GPC6: variants seen among roughly 807,000 people sequenced by gnomAD.
The protein encoded by GPC6 is glypican 6, also known as glypican-6.
GPC6 carries 14 observed loss-of-function variants against 55.2 expected under a neutral mutation model. The ratio of observed to expected loss-of-function variants is 0.25; its 90% confidence interval spans 0.17 to 0.40. The LOEUF is 0.40. GPC6 is among the 10% of genes least tolerant of loss of function. The probability of loss-of-function intolerance (pLI) is 1.00; values close to 1 mark genes in which losing one functional copy is unlikely to be tolerated. For missense variants in GPC6, 641 were observed against 708.5 expected (o/e 0.90, Z 1.08); for synonymous variants, 278 against 259.6 (o/e 1.07, Z -0.68).
At chr13:93,984,469 T>C (rs1880938038) in intron 3 of GPC6, among the ~76,000 whole-genome samples, 1 of 152,198 alleles carries the variant, frequency 6.6e-6, no homozygotes, top group Admixed American at 6.5e-5. Flanking sequence ...AGAAAATTAA[T>C]TCATTTGGTA....
chr13:94,150,819 T>TATATATATATATATATATATATATATAC lies in GPC6; in HGVS notation c.877+122937_877+122938insATATATATATATATACATATATATATAT, dbSNP rs1308512819. 7.2e-4 allele frequency among the ~76,000 whole-genome samples: 101 copies of TATATATATATATATATATATATATATAC among 141,226 alleles called. 5 individuals are homozygous for TATATATATATATATATATATATATATAC. Among genetic ancestry groups the TATATATATATATATATATATATATATAC allele is most frequent in the Non-Finnish European group, 1.3e-3 (85 of 65,738 alleles). 92.6% of individuals were successfully genotyped at this position (141,226 alleles called of 152,430 possible). A position where few individuals can be genotyped will look rare whatever the true frequency, so the allele number is the denominator to read the frequency against. On this transcript the variant is annotated intron_variant, in intron 4 of 8. Coordinates refer to ENST00000377047, the MANE Select transcript of GPC6 (RefSeq NM_005708.5). ...CAGAAAGAGAGAGATCAGCAGTATA[T>TATATATATATATATATATATATATATAC]ATATATATATATGTTTATTGAATGA... is the stretch of plus-strand genomic sequence containing the variant.
At chr13:94,061,436 A>G (rs1228062972) in intron 4 of GPC6, among the ~76,000 whole-genome samples, 1 of 152,204 alleles carries the variant, frequency 6.6e-6, no homozygotes, top group African/African-American at 2.4e-5. Context: ...AGATGAACAA[A>G]AGTGACAGAC....
chr13:93,818,412 C>T (rs1237054110), intron 2 of GPC6: 1 of 152,114 alleles, frequency 6.6e-6, no homozygotes, highest in East Asian at 1.9e-4. Flanking sequence ...TACAACTCAG[C>T]ATTTCTCAAT....
intron 7 of GPC6, among the ~76,000 whole-genome samples, chr13:94,392,415 ATTTTTT>A (rs59173357): frequency 9.5e-6 from 1 of 105,682 alleles, no homozygotes; most frequent in Non-Finnish European, 1.9e-5. Flanking sequence ...TCTATTTTTA[ATTTTTT>A]TTTTTTTTTT....
At chr13:93,426,566 C>G (rs1215887485) in intron 1 of GPC6, among the ~76,000 whole-genome samples, 2 of 151,966 alleles carry the variant, frequency 1.3e-5, no homozygotes, top group Non-Finnish European at 2.9e-5. Flanking sequence ...AGGACATGAA[C>G]TCATCATTTT....
intron 1 of GPC6, among the ~76,000 whole-genome samples, chr13:93,281,227 T>A (rs868799098): frequency 2.0e-5 from 3 of 152,120 alleles, no homozygotes; most frequent in Non-Finnish European, 2.9e-5. Flanking sequence ...TAAAGTTGCT[T>A]TTTTGTTGTT....
At chr13:93,977,467 G>GGGGT (rs1274439604) in intron 3 of GPC6, among the ~76,000 whole-genome samples, 1 of 137,286 alleles carries the variant, frequency 7.3e-6, no homozygotes, top group African/African-American at 2.7e-5. Context: ...GATGACAAGG[G>GGGGT]GTGTGTGTGT....
intron 6 of GPC6, among the ~76,000 whole-genome samples, chr13:94,329,794 C>T (rs1349459435): frequency 6.6e-6 from 1 of 151,996 alleles, no homozygotes; most frequent in Non-Finnish European, 1.5e-5. Flanking sequence ...TCCTCCTCCT[C>T]TTCTCTTACC....
At position 94,406,008 on chromosome 13, in the gene GPC6, G is replaced by A. The variant is rs376359118; in HGVS notation, c.*2791G>A. 1 of 152,054 alleles carries A rather than the reference G, an allele frequency of 6.6e-6. No individual in the cohort carries two copies. The highest frequency in any genetic ancestry group is 1.5e-5 in the Non-Finnish European group (1 of 67,974). 9.4% of individuals were successfully genotyped at this position (152,054 alleles called of 1,614,324 possible). On this transcript the variant is annotated 3_prime_UTR_variant, in exon 9 of 9. Transcript: ENST00000377047. ...TCATTTCAGCATAGTGATAGGGGATGCAATGAGGCTTCATTATTTTTTATG... is the reference window on the plus strand; with the variant it reads ...TCATTTCAGCATAGTGATAGGGGATACAATGAGGCTTCATTATTTTTTATG...
At chr13:93,487,155 T>C (rs1879751568) in intron 1 of GPC6, among the ~76,000 whole-genome samples, 1 of 152,218 alleles carries the variant, frequency 6.6e-6, no homozygotes, top group Middle Eastern at 3.2e-3. Flanking sequence ...GTCATTTTCA[T>C]AACATCACAG....
rs1880989408 is a variant in GPC6, at chr13:94,398,478, G to T, written c.1302G>T (p.Glu434Asp). The T allele has an allele frequency of 1.2e-6, 2 of 1,613,032 alleles. No individual in the cohort carries two copies. The highest frequency in any genetic ancestry group is 1.7e-6 in the Non-Finnish European group (2 of 1,179,188). The change falls in exon 8 of 9, where the codon GAG (glutamate) becomes GAT (aspartate). Residue 434 changes from glutamate to aspartate, a missense_variant. Transcript: ENST00000377047. ...CTCTGCCTTGCAGATACTTGCCTGA[G>T]ATCATGAATGATGGGCTCACCAACC... is the stretch of plus-strand genomic sequence containing the variant. ...NGHSKARYLP[E>D]IMNDGLTNQI...
intron 4 of GPC6, among the ~76,000 whole-genome samples, chr13:94,158,144 T>C (rs151215044): frequency 4.6e-5 from 7 of 152,278 alleles, no homozygotes; most frequent in African/African-American, 1.7e-4. Flanking sequence ...GTTTGCCTCA[T>C]AGTGTTTGAG....
chr13:93,342,835 T>C (rs116512347), intron 1 of GPC6, among the ~76,000 whole-genome samples: 2,407 of 152,268 alleles, frequency 0.016, 55 homozygotes, highest in African/African-American at 0.052. Context: ...TCCTACTAAA[T>C]TCTGTTTCTG....
intron 4 of GPC6, among the ~76,000 whole-genome samples, chr13:94,085,776 G>A (rs6492687): frequency 0.67 from 87,744 of 130,418 alleles, 25,466 homozygotes; most frequent in South Asian, 0.72. Flanking sequence ...CATCTTTAAC[G>A]TATGTCTGAA....
chr13:93,651,589 T>G (rs1880410338), intron 2 of GPC6, among the ~76,000 whole-genome samples: 1 of 152,108 alleles, frequency 6.6e-6, no homozygotes, highest in Admixed American at 6.5e-5. Flanking sequence ...TTTCAGAACC[T>G]AATTCAGAAT....
At chr13:94,087,357 G>A (rs1159360847) in intron 4 of GPC6, among the ~76,000 whole-genome samples, 1 of 152,144 alleles carries the variant, frequency 6.6e-6, no homozygotes, top group Non-Finnish European at 1.5e-5. Flanking sequence ...TCACCTCTAA[G>A]GTGTAAAATG....
intron 4 of GPC6, among the ~76,000 whole-genome samples, chr13:94,053,155 C>T (rs1884011942): frequency 6.6e-6 from 1 of 152,178 alleles, no homozygotes; most frequent in East Asian, 1.9e-4. Context: ...GGAAATTGTG[C>T]AGAAGCTAAA....
intron 1 of GPC6, among the ~76,000 whole-genome samples, chr13:93,522,400 T>TG (rs1881453284): frequency 6.6e-6 from 1 of 152,006 alleles, no homozygotes; most frequent in South Asian, 2.1e-4. Context: ...TGTGGTTTTT[T>TG]GAATTCACCA....
intron 3 of GPC6, among the ~76,000 whole-genome samples, chr13:93,900,590 TTA>T (rs1876290840): frequency 2.0e-5 from 3 of 152,186 alleles, no homozygotes; most frequent in South Asian, 2.1e-4. Context: ...TCCCTAACCT[TTA>T]TGTTTTTCTG....
Sources: gnomAD v4.1 joint callset for allele counts (sites outside exome capture counted in the v4.1 genomes callset) on GRCh38, gnomAD v4.1.1 for gene constraint, MANE v1.5 for transcripts, NCBI Gene and HGNC (gene_info 2026-07-23, HGNC 2026-07-21) for gene names.